Variants in TNKS1BP1 observed in about 807,000 individuals in gnomAD.
TNKS1BP1 encodes CCR4-NOT transcription complex subunit 12.
In TNKS1BP1, 48 loss-of-function variants were observed where a neutral mutation model predicts 141.1. That is an observed-to-expected ratio of 0.34 (90% CI 0.27 to 0.43). The LOEUF (loss-of-function observed/expected upper bound fraction) is 0.43, where lower values mean the gene tolerates loss of function less well. Among genes scored for constraint, TNKS1BP1 ranks in the 20% least tolerant of loss-of-function variants. The pLI is 1.00. For synonymous variants in TNKS1BP1, 875 were observed against 898.2 expected (o/e 0.97, Z 0.46); for missense variants, 2,149 against 2,226.0 (o/e 0.97, Z 0.70).
intron 4 of TNKS1BP1, among the ~76,000 whole-genome samples, chr11:57,314,263 T>C (rs1406651210): frequency 1.3e-5 from 2 of 152,252 alleles, no homozygotes; most frequent in African/African-American, 4.8e-5. Context: ...ATTGTGAATC[T>C]GGCTCTTGAA....
rs868387929 is a variant in TNKS1BP1, at chr11:57,324,884, C to G, written c.-110G>C. 1 of 991,492 alleles carries G rather than the reference C, an allele frequency of 1.0e-6. No homozygotes were observed. The allele number at this position is 991,492 out of a possible 1,614,324, so 61.4% of individuals were successfully genotyped here. On this transcript the variant is annotated 5_prime_UTR_variant, in exon 1 of 12. Transcript: ENST00000358252. ...CTCCGCTCGGCTCGGGGCCCCGATG[C>G]CAGTCCCCGCCGCCGCCGCCGCTGC...
In TNKS1BP1 at chr11:57,300,533, T is replaced by G; in HGVS notation, c.*7A>C. 1 of 1,614,224 alleles carries G rather than the reference T, an allele frequency of 6.2e-7. No individual in the cohort carries two copies. Among genetic ancestry groups the G allele is most frequent in the Non-Finnish European group, 8.5e-7 (1 of 1,180,024 alleles). The stretch of plus-strand genomic sequence containing the variant: ...GCCCAGGAACCTGTCCTCACCTCAG[T>G]GACTTCTCAGACCTTCTTCTTCTTC... On this transcript the variant is annotated 3_prime_UTR_variant, in exon 11 of 12. Transcript: ENST00000358252.
intron 4 of TNKS1BP1, among the ~76,000 whole-genome samples, chr11:57,315,488 T>G (rs1855784729): frequency 6.6e-6 from 1 of 152,062 alleles, no homozygotes; most frequent in Admixed American, 6.5e-5. Context: ...AGCACCTGAG[T>G]AGCTGCATGT....
Position 57,320,283 on chromosome 11 carries a change from A to C in TNKS1BP1, c.524T>G (p.Val175Gly), listed in dbSNP as rs1590596027. Reference protein sequence around the residue: ...LAKMEQPRKEVLASPDRLWGS... With the variant: ...LAKMEQPRKEGLASPDRLWGS... ...CCACAGGCGGTCGGGGCTGGCAAGG[A>C]CCTCCTTCCGAGGCTGCTCCATCTT... The change falls in exon 3 of 12, where the codon GTC becomes GGC. Residue 175 changes from valine to glycine, a missense_variant. By Grantham distance (109) the Val-to-Gly change is moderately radical. Transcript: ENST00000358252. 3 of 1,613,720 alleles carry C rather than the reference A, an allele frequency of 1.9e-6. No individual in the cohort carries two copies. The highest frequency in any genetic ancestry group is 2.5e-6 in the Non-Finnish European group (3 of 1,179,962).
chr11:57,310,091 C>T lies in TNKS1BP1; in HGVS notation c.2620G>A (p.Gly874Ser). ...CTTACATCTCGACTACTGTAGGTAC[C>T]CAGTGAATCTCTCTTTCCGAATTCC... Reference protein sequence around the residue: ...DQEFGKRDSLGTYSSRDVSLG... With the variant: ...DQEFGKRDSLSTYSSRDVSLG... Residue 874 changes from glycine to serine, a missense_variant, in exon 6 of 12, where the codon GGT (glycine) becomes AGT (serine). Physicochemically the swap from Gly to Ser is moderately conservative, Grantham distance 56. Coordinates refer to ENST00000358252, the MANE Select transcript of TNKS1BP1 (RefSeq NM_033396.3). 2.5e-6 allele frequency: 4 copies of T among 1,614,140 alleles called. No individual in the cohort carries two copies. Among genetic ancestry groups the T allele is most frequent in the Non-Finnish European group, 3.4e-6 (4 of 1,180,020 alleles).
At position 57,313,018 on chromosome 11, in the gene TNKS1BP1, T is replaced by C. The variant is rs998177003; in HGVS notation, c.1670A>G (p.Asp557Gly). The C allele has an allele frequency of 6.2e-7, 1 of 1,613,908 alleles. No homozygotes were observed. The highest frequency in any genetic ancestry group is 8.5e-7 in the Non-Finnish European group (1 of 1,180,008). Reference protein sequence around the residue: ...DPSMSLTQKGDGESQPQFPAV... With the variant: ...DPSMSLTQKGGGESQPQFPAV... Reference sequence around the variant, plus strand: ...TGGGAATTGAGGTTGACTCTCCCCATCGCCCTTCTGGGTGAGGGACATGCT... The same window carrying C: ...TGGGAATTGAGGTTGACTCTCCCCACCGCCCTTCTGGGTGAGGGACATGCT... The change falls in exon 5 of 12, where the codon GAT (aspartate) becomes GGT (glycine). Residue 557 changes from aspartate (D) to glycine (G), a missense_variant. Transcript: ENST00000358252.
chr11:57,304,626 T>G (rs1359867212), intron 6 of TNKS1BP1, among the ~76,000 whole-genome samples: 1 of 152,102 alleles, frequency 6.6e-6, no homozygotes, highest in Non-Finnish European at 1.5e-5. Context: ...TCCCAGCACT[T>G]TGGGAGGCCA....
Position 57,313,066 on chromosome 11 carries a change from G to C in TNKS1BP1, c.1622C>G (p.Ser541Cys). ...AGSAPSGSGS[S>C]WVQGDDPSMS... ...GCTTGGATCATCCCCCTGCACCCAG[G>C]AACTTCCTGACCCACTTGGAGCTGA... is the stretch of plus-strand genomic sequence containing the variant. Residue 541 changes from serine to cysteine, a missense_variant, in exon 5 of 12, where the codon TCC (serine) becomes TGC (cysteine). Ser to Cys is a moderately radical substitution (Grantham distance 112). Coordinates refer to ENST00000358252, the MANE Select transcript of TNKS1BP1 (RefSeq NM_033396.3). 2 of 1,613,718 alleles carry C rather than the reference G, an allele frequency of 1.2e-6. No individual in the cohort carries two copies. The highest frequency in any genetic ancestry group is 1.7e-6 in the Non-Finnish European group (2 of 1,180,018).
Position 57,321,914 on chromosome 11 carries a change from G to A in TNKS1BP1, c.-29C>T, listed in dbSNP as rs763234385. The A allele has an allele frequency of 3.1e-6, 5 of 1,613,152 alleles. No individual in the cohort carries two copies. The highest frequency in any genetic ancestry group is 1.3e-5 in the African/African-American group (1 of 75,014). ...ATGCGGCAGACCCTCCTTGAGAGCG[G>A]GGAGGCAGAGAGGTATGAGCTGGGG... is the stretch of plus-strand genomic sequence containing the variant. On this transcript the variant is annotated 5_prime_UTR_variant, in exon 2 of 12. Transcript: ENST00000358252.
At chr11:57,318,507 G>A (rs1855831287) in intron 3 of TNKS1BP1, among the ~76,000 whole-genome samples, 2 of 152,224 alleles carry the variant, frequency 1.3e-5, no homozygotes, top group Admixed American at 1.3e-4. Flanking sequence ...GGCAGGGCAG[G>A]GCAGGGACCC....
intron 11 of TNKS1BP1, 111 bp from the exon 12 acceptor site, chr11:57,300,192 G>A: frequency 3.8e-6 from 1 of 261,994 alleles, no homozygotes; most frequent in Non-Finnish European, 7.3e-6. Flanking sequence ...CATGGAGCCT[G>A]GTAAGTGCCC....
intron 6 of TNKS1BP1, among the ~76,000 whole-genome samples, chr11:57,306,470 A>C (rs1404438107): frequency 6.6e-6 from 1 of 152,166 alleles, no homozygotes. Flanking sequence ...AGTACCCAGC[A>C]TTTTCCAAAC....
In TNKS1BP1 at chr11:57,313,075, G is replaced by A; in HGVS notation, c.1613C>T (p.Ser538Leu). ...ATCCCCCTGCACCCAGGAACTTCCT[G>A]ACCCACTTGGAGCTGACCCAGCCCC... is the stretch of plus-strand genomic sequence containing the variant. ...GQGAGSAPSG[S>L]GSSWVQGDDP... Residue 538 changes from serine to leucine, a missense_variant, in exon 5 of 12, where the codon TCA (serine) becomes TTA (leucine). Coordinates refer to ENST00000358252, the MANE Select transcript of TNKS1BP1 (RefSeq NM_033396.3). 1.9e-6 allele frequency: 3 copies of A among 1,613,658 alleles called. No individual in the cohort carries two copies. The highest frequency in any genetic ancestry group is 2.5e-6 in the Non-Finnish European group (3 of 1,180,026).
At position 57,308,581 on chromosome 11, in the gene TNKS1BP1, C is replaced by A. The variant is rs145489104; in HGVS notation, c.4130G>T (p.Gly1377Val). 426 of 1,614,164 alleles carry A rather than the reference C, an allele frequency of 2.6e-4. No homozygotes were observed. In the African/African-American group the frequency reaches 5.2e-3, roughly 20 times the overall value. Reference sequence around the variant, plus strand: ...AGACAAGCTGCCATTGTGCCTCAGGCCGGGCTCTGGGCACTGGCTCACCCC... The same window carrying A: ...AGACAAGCTGCCATTGTGCCTCAGGACGGGCTCTGGGCACTGGCTCACCCC... ...VGGVSQCPEP[G>V]LRHNGSLSPG... Residue 1377 changes from glycine (G) to valine (V), a missense_variant, in exon 6 of 12, where the codon GGC becomes GTC. Coordinates refer to ENST00000358252, the MANE Select transcript of TNKS1BP1 (RefSeq NM_033396.3).
chr11:57,306,385 G>C (rs992089627), intron 6 of TNKS1BP1, among the ~76,000 whole-genome samples: 4 of 152,094 alleles, frequency 2.6e-5, no homozygotes, highest in Non-Finnish European at 5.9e-5. Context: ...AATTAGCTTG[G>C]AAAATACTGC....
chr11:57,317,919 C>T (rs758113452), intron 3 of TNKS1BP1, 32 bp from the exon 4 acceptor site: 41 of 1,604,906 alleles, frequency 2.6e-5, no homozygotes, highest in African/African-American at 6.7e-5. Flanking sequence ...AATGGAAGCA[C>T]GGAATGTTAG....
At chr11:57,310,586 AAAC>A (rs1476867811) in intron 5 of TNKS1BP1, 30 bp from the exon 6 acceptor site, 3 of 1,580,584 alleles carry the variant, frequency 1.9e-6, no homozygotes, top group South Asian at 2.3e-5. Context: ...ACAGACAAAG[AAAC>A]AACGATTAGA....
chr11:57,307,167 C>T (rs866567062), intron 6 of TNKS1BP1, among the ~76,000 whole-genome samples: 1 of 152,088 alleles, frequency 6.6e-6, no homozygotes, highest in Non-Finnish European at 1.5e-5. Context: ...GGAACAACCA[C>T]GCCAAGCCTG....
intron 3 of TNKS1BP1, among the ~76,000 whole-genome samples, chr11:57,319,433 C>G (rs906597983): frequency 6.6e-6 from 1 of 152,110 alleles, no homozygotes; most frequent in Non-Finnish European, 1.5e-5. Flanking sequence ...AGGATGCCAA[C>G]GAGGCAAAGT....
Sources: gnomAD v4.1 joint callset for allele counts (sites outside exome capture counted in the v4.1 genomes callset) on GRCh38, gnomAD v4.1.1 for gene constraint, MANE v1.5 for transcripts, NCBI Gene and HGNC (gene_info 2026-07-23, HGNC 2026-07-21) for gene names.